The following ATP7A variants were observed in gnomAD, a reference collection of about 807,000 sequenced individuals.
ATP7A encodes ATPase copper transporting alpha.
A neutral mutation model predicts 83.5 loss-of-function variants in ATP7A; 7 were observed. The observed-to-expected ratio is 0.08, with a 90% CI of 0.05 to 0.16. The LOEUF (loss-of-function observed/expected upper bound fraction) is 0.16, where lower values mean the gene tolerates loss of function less well. Ranked by LOEUF, ATP7A falls within the 10% of genes least tolerant of loss-of-function variation. The pLI is 1.00. For synonymous variants in ATP7A, 354 were observed against 395.2 expected, an observed-to-expected ratio of 0.90 and a Z score of 1.24; for missense variants, 940 against 1,120.8, an observed-to-expected ratio of 0.84 and a Z score of 2.30.
At chrX:77,946,743 A>AC (rs1300707732) in intron 1 of ATP7A, among the ~76,000 whole-genome samples, 73 of 109,646 alleles carry the variant, frequency 6.7e-4, no homozygotes, top group African/African-American at 2.2e-3. Context: ...AAAAAAAAAA[A>AC]AAAAAAACCT....
At chrX:78,014,287 C>A (rs1557234881) in intron 10 of ATP7A, among the ~76,000 whole-genome samples, 1 of 108,728 alleles carries the variant, frequency 9.2e-6, no homozygotes, top group African/African-American at 3.4e-5. Flanking sequence ...CGTCTGTAAT[C>A]CCAGCTACTC....
chrX:77,984,258 TGTATCTCTAGCAGCTAGCATA>T (rs1557231151), intron 2 of ATP7A, among the ~76,000 whole-genome samples: 1 of 110,852 alleles, frequency 9.0e-6, no homozygotes, highest in Non-Finnish European at 1.9e-5. Context: ...TGCTCATCAC[TGTATCTCTAGCAGCTAGCATA>T]GTGCCGGGCA....
At chrX:77,931,730 C>A (rs1557224329) in intron 1 of ATP7A, among the ~76,000 whole-genome samples, 1 of 104,627 alleles carries the variant, frequency 9.6e-6, no homozygotes, top group Non-Finnish European at 2.0e-5. Context: ...GGCAGAGGCA[C>A]CCCTCACCTC....
At chrX:78,009,847 A>G (rs2077804923) in intron 7 of ATP7A, among the ~76,000 whole-genome samples, 1 of 112,217 alleles carries the variant, frequency 8.9e-6, no homozygotes, top group African/African-American at 3.2e-5. Flanking sequence ...CATAGTATTA[A>G]TCACACGAGA....
chrX:77,980,455 T>TAAATA (rs2077598666), intron 2 of ATP7A, among the ~76,000 whole-genome samples: 1 of 109,548 alleles, frequency 9.1e-6, no homozygotes, highest in African/African-American at 3.3e-5. Flanking sequence ...AAAAAGTAAA[T>TAAATA]AAATAAAATA....
At chrX:78,037,862 C>T (rs782708960) in intron 17 of ATP7A, among the ~76,000 whole-genome samples, 7 of 108,064 alleles carry the variant, frequency 6.5e-5, no homozygotes, top group Non-Finnish European at 1.1e-4. Flanking sequence ...GGGGTAGGTT[C>T]ACAAGAACAT....
chrX:77,971,374 G>A (rs1277553882), intron 1 of ATP7A, among the ~76,000 whole-genome samples: 1 of 112,313 alleles, frequency 8.9e-6, no homozygotes, highest in African/African-American at 3.2e-5. Context: ...TTAAAGTATT[G>A]AAATTTTTAT....
chrX:78,040,778 T>C (rs1557238290), intron 19 of ATP7A, 45 bp downstream of exon 19: 2 of 1,170,607 alleles, frequency 1.7e-6, no homozygotes, highest in Non-Finnish European at 2.3e-6. Context: ...TTGATATACA[T>C]TTTATATCTT....
rs1363135478 is a variant in ATP7A at position 77,929,790 on chromosome X, C to T, written c.-22+18955C>T. 5.4e-5 allele frequency among the ~76,000 whole-genome samples: 6 copies of T among 110,151 alleles called. No homozygotes were observed. The Admixed American group carries it at 5.8e-4, about 11-fold the overall frequency. ...GCTAAATCTTAATTTCTTTTATTCT[C>T]CTCTCCTCCACCTCATTTTCCACCC... is the stretch of plus-strand genomic sequence containing the variant. On this transcript the variant is annotated intron_variant, in intron 1 of 22. Transcript: ENST00000341514.
At chrX:78,002,110 C>G (rs1448680523) in intron 5 of ATP7A, among the ~76,000 whole-genome samples, 3 of 108,483 alleles carry the variant, frequency 2.8e-5, no homozygotes, top group Non-Finnish European at 5.7e-5. Context: ...TACTCTGTCA[C>G]ACATGGTGCA....
chrX:77,913,660 C>T (rs782176374), intron 1 of ATP7A, among the ~76,000 whole-genome samples: 1 of 111,965 alleles, frequency 8.9e-6, no homozygotes, highest in South Asian at 3.7e-4. Context: ...TTACTTTTTC[C>T]AGCACTGTTT....
intron 2 of ATP7A, among the ~76,000 whole-genome samples, chrX:77,981,695 A>G (rs962470593): frequency 9.9e-5 from 11 of 111,630 alleles, no homozygotes; most frequent in African/African-American, 3.6e-4. Context: ...ATTAGAAATG[A>G]GAATTCTGAC....
intron 12 of ATP7A, among the ~76,000 whole-genome samples, chrX:78,017,721 T>A (rs1346699004): frequency 9.3e-6 from 1 of 107,071 alleles, no homozygotes; most frequent in Non-Finnish European, 1.9e-5. Flanking sequence ...ATTCCACAGA[T>A]CTCTAGGGTG....
chrX:77,976,392 G>T (rs1335204330), intron 2 of ATP7A, among the ~76,000 whole-genome samples: 1 of 112,063 alleles, frequency 8.9e-6, no homozygotes, highest in East Asian at 2.8e-4. Context: ...GTGAAATACA[G>T]AATTTATACT....
chrX:77,928,710 A>G (rs900177727), intron 1 of ATP7A, among the ~76,000 whole-genome samples: 1 of 112,461 alleles, frequency 8.9e-6, no homozygotes, highest in Non-Finnish European at 1.9e-5. Context: ...CATCATTTAT[A>G]AAGTTGTTCT....
intron 1 of ATP7A, among the ~76,000 whole-genome samples, chrX:77,960,072 A>T (rs782286401): frequency 2.7e-5 from 3 of 112,254 alleles, no homozygotes; most frequent in Admixed American, 9.5e-5. Context: ...AATTGTGCAG[A>T]TAGAGTTGTA....
intron 1 of ATP7A, among the ~76,000 whole-genome samples, chrX:77,968,452 C>T (rs1264366365): frequency 1.8e-5 from 2 of 111,976 alleles, no homozygotes; most frequent in Non-Finnish European, 3.8e-5. Flanking sequence ...GACTAGAGCC[C>T]CCAGGCAGTG....
intron 6 of ATP7A, among the ~76,000 whole-genome samples, chrX:78,008,541 G>A (rs1557233993): frequency 2.7e-5 from 3 of 110,869 alleles, no homozygotes; most frequent in Non-Finnish European, 3.8e-5. Flanking sequence ...AAAATCCAGC[G>A]GGAAGCAAGA....
intron 17 of ATP7A, among the ~76,000 whole-genome samples, chrX:78,036,333 G>A (rs1557237735): frequency 9.0e-6 from 1 of 111,052 alleles, no homozygotes; most frequent in Admixed American, 9.6e-5. Flanking sequence ...GATCTGAGGG[G>A]ATGAGAGAAA....
Sources: gnomAD v4.1 joint callset for allele counts (sites outside exome capture counted in the v4.1 genomes callset) on GRCh38, gnomAD v4.1.1 for gene constraint, MANE v1.5 for transcripts, NCBI Gene and HGNC (gene_info 2026-07-23, HGNC 2026-07-21) for gene names.